BTBD9: variants seen among roughly 807,000 people sequenced by gnomAD.
BTBD9 encodes BTB domain containing 9.
Under a neutral mutation model 64.3 loss-of-function variants are expected in BTBD9, and 49 were observed. The observed-to-expected ratio is 0.76, with a 90% CI of 0.61 to 0.97. BTBD9 has a LOEUF of 0.97. Ranked by LOEUF, BTBD9 falls within the 50% of genes least tolerant of loss-of-function variation. BTBD9 has a pLI of 0.00. For synonymous variants in BTBD9, 260 were observed against 274.7 expected, an observed-to-expected ratio of 0.95 and a Z score of 0.53; for missense variants, 598 against 762.1, an observed-to-expected ratio of 0.78 and a Z score of 2.53.
At chr6:38,183,266 C>T (rs113816381) in intron 10 of BTBD9, among the ~76,000 whole-genome samples, 8 of 152,310 alleles carry the variant, frequency 5.3e-5, no homozygotes, top group South Asian at 2.1e-4. Context: ...TGTGAGCCAC[C>T]GCGCCCGGCC....
intron 8 of BTBD9, among the ~76,000 whole-genome samples, chr6:38,278,871 ATCC>A (rs1160149451): frequency 1.3e-5 from 2 of 152,224 alleles, no homozygotes; most frequent in Non-Finnish European, 2.9e-5. Context: ...AAGAAAGAAG[ATCC>A]TGACCATTAA....
chr6:38,575,444 T>A (rs562779965), intron 6 of BTBD9, among the ~76,000 whole-genome samples: 1 of 152,242 alleles, frequency 6.6e-6, no homozygotes, highest in Non-Finnish European at 1.5e-5. Flanking sequence ...AACGTGCAAA[T>A]TAACTAACAT....
At chr6:38,507,447 C>T (rs1248100386) in intron 6 of BTBD9, among the ~76,000 whole-genome samples, 1 of 152,184 alleles carries the variant, frequency 6.6e-6, no homozygotes, top group Non-Finnish European at 1.5e-5. Context: ...CTTTTTGAAA[C>T]AATTGCCTAT....
At position 38,356,975 on chromosome 6, in the gene BTBD9, A is replaced by G. The variant is rs566808868; in HGVS notation, c.1155-11882T>C. Among the ~76,000 whole-genome samples, 12 of 152,254 alleles carry G rather than the reference A, an allele frequency of 7.9e-5. No homozygotes were observed. In the South Asian group the frequency reaches 1.9e-3, roughly 24 times the overall value. ...TGTGTGTTGGAGGTGTTACTGAGTT[A>G]CTGAGAGGTAGGGTCTCAACAAATG... is the stretch of plus-strand genomic sequence containing the variant. On this transcript the variant is annotated intron_variant, in intron 6 of 10. Transcript: ENST00000481247.
intron 10 of BTBD9, among the ~76,000 whole-genome samples, chr6:38,189,534 G>A (rs768060510): frequency 1.3e-5 from 2 of 152,096 alleles, no homozygotes; most frequent in Non-Finnish European, 2.9e-5. Context: ...CTGCTGCCCA[G>A]GGCTGGAGTG....
intron 6 of BTBD9, among the ~76,000 whole-genome samples, chr6:38,500,172 T>A (rs1440501840): frequency 6.6e-6 from 1 of 150,826 alleles, no homozygotes; most frequent in Non-Finnish European, 1.5e-5. Context: ...AGGCCCTTAA[T>A]GAGGTCTCCA....
rs367728899 is a variant in BTBD9, at chr6:38,174,046, C to G, written c.*939G>C. ...GCAGGTGGCTGCCTCTCCAATGCTT[C>G]GATAAACACAACTGGAGGGGCAGCT... On this transcript the variant is annotated 3_prime_UTR_variant, in exon 11 of 11. Transcript: ENST00000481247. The G allele has an allele frequency of 6.6e-6, 1 of 152,324 alleles. No homozygotes were observed. The highest frequency in any genetic ancestry group is 1.9e-4 in the East Asian group (1 of 5,190). The allele number at this position is 152,324 out of a possible 1,614,324, so 9.4% of individuals were successfully genotyped here. A position where few individuals can be genotyped will look rare whatever the true frequency, so the allele number is the denominator to read the frequency against.
intron 6 of BTBD9, among the ~76,000 whole-genome samples, chr6:38,395,969 A>G (rs1276717711): frequency 6.6e-6 from 1 of 152,132 alleles, no homozygotes; most frequent in Non-Finnish European, 1.5e-5. Context: ...TCGGCCTCCC[A>G]AAGTGTTGGG....
At chr6:38,428,330 G>A (rs1768273487) in intron 6 of BTBD9, among the ~76,000 whole-genome samples, 7 of 139,136 alleles carry the variant, frequency 5.0e-5, no homozygotes. Flanking sequence ...CCATCTTTAG[G>A]CCCCCAAAAA....
chr6:38,436,798 A>AG (rs1454272397), intron 6 of BTBD9, among the ~76,000 whole-genome samples: 1 of 152,228 alleles, frequency 6.6e-6, no homozygotes, highest in Non-Finnish European at 1.5e-5. Context: ...CTTTACCCTC[A>AG]GTAAGAACAG....
chr6:38,526,835 C>T (rs10807196), intron 6 of BTBD9, among the ~76,000 whole-genome samples: 47,942 of 152,070 alleles, frequency 0.32, 8,663 homozygotes, highest in East Asian at 0.46. Flanking sequence ...AAGTAACTAA[C>T]GTGGTTTTGA....
intron 6 of BTBD9, among the ~76,000 whole-genome samples, chr6:38,399,962 A>G (rs1209142653): frequency 6.8e-6 from 1 of 146,134 alleles, no homozygotes; most frequent in Non-Finnish European, 1.5e-5. Flanking sequence ...GGGTTTCTCT[A>G]TGTTGGTCAT....
At chr6:38,339,524 T>A (rs935823504) in intron 7 of BTBD9, among the ~76,000 whole-genome samples, 1 of 152,084 alleles carries the variant, frequency 6.6e-6, no homozygotes, top group Non-Finnish European at 1.5e-5. Context: ...AAAAAATATA[T>A]AATATGTATG....
chr6:38,180,706 C>T lies in BTBD9; in HGVS notation c.1642-5524G>A, dbSNP rs558147683. 2.0e-5 allele frequency among the ~76,000 whole-genome samples: 3 copies of T among 152,370 alleles called. No individual in the cohort carries two copies. The South Asian group carries it at 6.2e-4, about 32-fold the overall frequency. On this transcript the variant is annotated intron_variant, in intron 10 of 10. Transcript: ENST00000481247. ...CATTTATGCAAAACCATTACTCTGG[C>T]CGCCGCATCAGTCTCCCTTCCCCTT...
intron 9 of BTBD9, among the ~76,000 whole-genome samples, chr6:38,251,088 A>AT (rs1425703736): frequency 1.0e-4 from 15 of 145,556 alleles, no homozygotes; most frequent in East Asian, 5.4e-4. Flanking sequence ...TCTCAGAAAA[A>AT]AAAAAAATAA....
intron 6 of BTBD9, among the ~76,000 whole-genome samples, chr6:38,354,980 AT>A (rs1359409333): frequency 1.3e-5 from 2 of 152,106 alleles, no homozygotes; most frequent in African/African-American, 4.8e-5. Flanking sequence ...CAAAACTAGT[AT>A]AGATATGTAT....
At chr6:38,298,831 T>C (rs779119705) in intron 7 of BTBD9, among the ~76,000 whole-genome samples, 2 of 151,674 alleles carry the variant, frequency 1.3e-5, no homozygotes, top group Non-Finnish European at 2.9e-5. Flanking sequence ...CCATCCATGT[T>C]GCTGCAAATG....
At chr6:38,403,840 A>G (rs1048395061) in intron 6 of BTBD9, among the ~76,000 whole-genome samples, 1 of 151,894 alleles carries the variant, frequency 6.6e-6, no homozygotes, top group African/African-American at 2.4e-5. Flanking sequence ...ATATCCATCA[A>G]CTGATGAATG....
chr6:38,561,316 G>A (rs566510137), intron 6 of BTBD9, among the ~76,000 whole-genome samples: 1 of 144,694 alleles, frequency 6.9e-6, no homozygotes, highest in African/African-American at 2.5e-5. Flanking sequence ...TGGAGAGGCT[G>A]CGGAAAAACA....
Sources: allele counts gnomAD v4.1 joint callset (sites outside exome capture counted in the v4.1 genomes callset), GRCh38; gene constraint gnomAD v4.1.1; transcripts MANE v1.5; gene names NCBI Gene and HGNC (gene_info 2026-07-23, HGNC 2026-07-21).